Variants in CMKLR2 observed in about 807,000 individuals in gnomAD.
CMKLR2 encodes chemerin-like receptor 2.
In CMKLR2, 18 loss-of-function variants were observed where a neutral mutation model predicts 23.0. That is an observed-to-expected ratio of 0.78 (90% CI 0.54 to 1.16). The LOEUF (loss-of-function observed/expected upper bound fraction) is 1.16. CMKLR2 is among the 50% of genes most tolerant of loss of function. The probability of loss-of-function intolerance (pLI) is 0.00; values close to 1 mark genes in which losing one functional copy is unlikely to be tolerated. For missense variants in CMKLR2, 401 were observed against 412.7 expected, an observed-to-expected ratio of 0.97 and a Z score of 0.25; for synonymous variants, 158 against 158.9, an observed-to-expected ratio of 0.99 and a Z score of 0.05.
intron 1 of CMKLR2, among the ~76,000 whole-genome samples, chr2:206,179,054 CCTTTTTTTT>C (rs1559082870): frequency 8.1e-6 from 1 of 123,654 alleles, no homozygotes; most frequent in Non-Finnish European, 1.7e-5. Context: ...GCTCCCTGTC[CCTTTTTTTT>C]TTTTTTTTTT....
At chr2:206,178,709 C>G (rs1411598775) in intron 1 of CMKLR2, among the ~76,000 whole-genome samples, 1 of 152,094 alleles carries the variant, frequency 6.6e-6, no homozygotes. Context: ...GAATGCATGG[C>G]ACGATCTCGG....
intron 1 of CMKLR2, among the ~76,000 whole-genome samples, chr2:206,203,201 G>A (rs899913743): frequency 1.3e-5 from 2 of 151,088 alleles, no homozygotes; most frequent in South Asian, 4.2e-4. Flanking sequence ...GGTGGCGCAT[G>A]CCTGTAATCC....
rs114020014 is a variant in CMKLR2 at position 206,177,859 on chromosome 2, G to C, written c.-28-584C>G. On this transcript the variant is annotated intron_variant, in intron 1 of 1. Coordinates refer to ENST00000621141, the MANE Select transcript of CMKLR2 (RefSeq NM_001389445.1). ...CTCTACGGTTATAATTCTTCAGTTCGTAATGCTTGTAGGGCTGACTAGAGA... is the reference window on the plus strand; with the variant it reads ...CTCTACGGTTATAATTCTTCAGTTCCTAATGCTTGTAGGGCTGACTAGAGA... Among the ~76,000 whole-genome samples the C allele has an allele frequency of 8.7e-4, 132 of 152,052 alleles. 1 individual carries two copies. The highest frequency in any genetic ancestry group is 1.9e-4 in the Non-Finnish European group (13 of 68,006).
At chr2:206,202,175 C>T (rs1360774335) in intron 1 of CMKLR2, among the ~76,000 whole-genome samples, 2 of 152,134 alleles carry the variant, frequency 1.3e-5, no homozygotes, top group African/African-American at 4.8e-5. Context: ...GTACATTTCT[C>T]ATACTTGGAG....
upstream of CMKLR2, chr2:206,213,605 T>C (rs1689647557): frequency 6.6e-6 from 1 of 152,206 alleles, no homozygotes; most frequent in African/African-American, 2.4e-5. Flanking sequence ...GTTTTTTGAA[T>C]GGAAACCACT....
chr2:206,179,362 AC>A (rs1270226722), intron 1 of CMKLR2, among the ~76,000 whole-genome samples: 1 of 129,346 alleles, frequency 7.7e-6, no homozygotes, highest in East Asian at 2.3e-4. Flanking sequence ...GGCATGAGCC[AC>A]CGCACCCAGC....
In CMKLR2 at chr2:206,177,129, A is replaced by G. The variant is rs1321277765; in HGVS notation, c.119T>C (p.Val40Ala). Reference protein sequence around the residue: ...EKVQLGVVHWVSLVLYCLAFV... With the variant: ...EKVQLGVVHWASLVLYCLAFV... ...AGCCAAACAATATAACACCAGGGAG[A>G]CCCAGTGAACAACTCCCAGCTGGAC... is the stretch of plus-strand genomic sequence containing the variant. Residue 40 changes from valine to alanine, a missense_variant, in exon 2 of 2, where the codon GTC (valine) becomes GCC (alanine). Physicochemically the swap from Val to Ala is moderately conservative, Grantham distance 64. Coordinates refer to ENST00000621141, the MANE Select transcript of CMKLR2 (RefSeq NM_001389445.1). 1 of 1,614,002 alleles carries G rather than the reference A, an allele frequency of 6.2e-7. No individual in the cohort carries two copies. The highest frequency in any genetic ancestry group is 1.7e-5 in the Admixed American group (1 of 60,014).
intron 1 of CMKLR2, among the ~76,000 whole-genome samples, chr2:206,181,083 T>C (rs1688398110): frequency 6.8e-6 from 1 of 146,942 alleles, no homozygotes; most frequent in Non-Finnish European, 1.5e-5. Flanking sequence ...TGAGACCAAC[T>C]CTCTCACTCT....
Position 206,189,626 on chromosome 2 carries a change from C to T in CMKLR2, c.-28-12351G>A, listed in dbSNP as rs1688688320. On this transcript the variant is annotated intron_variant, in intron 1 of 1. Coordinates refer to ENST00000621141, the MANE Select transcript of CMKLR2 (RefSeq NM_001389445.1). The stretch of plus-strand genomic sequence containing the variant: ...CTCCAGCCTGGGCAATAGAGTGAGA[C>T]TTCATCTAAAAAGAAAAAAAAAAAA... Among the ~76,000 whole-genome samples the T allele has an allele frequency of 2.0e-5, 3 of 148,864 alleles. No homozygotes were observed. In the Admixed American group the frequency reaches 2.0e-4, roughly 10 times the overall value.
chr2:206,206,760 G>C lies in CMKLR2; in HGVS notation c.-29+6547C>G, dbSNP rs112833597. 5.3e-3 allele frequency among the ~76,000 whole-genome samples: 806 copies of C among 152,246 alleles called. 8 individuals are homozygous for C. Among genetic ancestry groups the C allele is most frequent in the African/African-American group, 0.019 (770 of 41,520 alleles). ...GTAGGGCTCAATAGTATTTATTGAAGGAAAGACTATTCAGTAGGTTTTGAT... is the reference window on the plus strand; with the variant it reads ...GTAGGGCTCAATAGTATTTATTGAACGAAAGACTATTCAGTAGGTTTTGAT... On this transcript the variant is annotated intron_variant, in intron 1 of 1. Coordinates refer to ENST00000621141, the MANE Select transcript of CMKLR2 (RefSeq NM_001389445.1).
At chr2:206,193,912 C>G (rs1229306939) in intron 1 of CMKLR2, among the ~76,000 whole-genome samples, 2 of 152,144 alleles carry the variant, frequency 1.3e-5, no homozygotes, top group Non-Finnish European at 2.9e-5. Context: ...TGTTTTGGTT[C>G]TCAATCACTC....
intron 1 of CMKLR2, among the ~76,000 whole-genome samples, chr2:206,209,314 G>C (rs1278018512): frequency 6.6e-6 from 1 of 151,778 alleles, no homozygotes; most frequent in Admixed American, 6.6e-5. Context: ...ACTTCAGCCT[G>C]GGTGACAGAG....
chr2:206,192,706 A>G (rs1276361056), intron 1 of CMKLR2, among the ~76,000 whole-genome samples: 7 of 152,120 alleles, frequency 4.6e-5, no homozygotes, highest in Non-Finnish European at 1.0e-4. Context: ...AAGAATCACA[A>G]TGTAACGATG....
chr2:206,203,716 A>G (rs1170571338), intron 1 of CMKLR2: 1 of 152,124 alleles, frequency 6.6e-6, no homozygotes, highest in Non-Finnish European at 1.5e-5. Flanking sequence ...GATCTGATCT[A>G]GCGAACTAAT....
At chr2:206,216,084 C>A (rs1408926740), upstream of CMKLR2, among the ~76,000 whole-genome samples, 1 of 152,166 alleles carries the variant, frequency 6.6e-6, no homozygotes, top group East Asian at 1.9e-4. Flanking sequence ...TTCTAAAAAA[C>A]CATTTGCAAA....
intron 1 of CMKLR2, among the ~76,000 whole-genome samples, chr2:206,206,281 G>T (rs948318254): frequency 1.3e-5 from 2 of 152,178 alleles, no homozygotes; most frequent in African/African-American, 4.8e-5. Flanking sequence ...TCATTCTAAA[G>T]GTGGATGGTT....
chr2:206,215,017 A>C (rs1689709262), upstream of CMKLR2, among the ~76,000 whole-genome samples: 1 of 152,150 alleles, frequency 6.6e-6, no homozygotes. Context: ...GCTGCCAGAG[A>C]AGCACAGGAT....
chr2:206,190,738 AAAG>A (rs1576047898), intron 1 of CMKLR2, among the ~76,000 whole-genome samples: 2 of 152,236 alleles, frequency 1.3e-5, no homozygotes, highest in African/African-American at 4.8e-5. Context: ...TTTCCTTTTC[AAAG>A]AATAATTGAA....
At chr2:206,215,903 G>T (rs1326558190), upstream of CMKLR2, among the ~76,000 whole-genome samples, 1 of 152,210 alleles carries the variant, frequency 6.6e-6, no homozygotes, top group African/African-American at 2.4e-5. Flanking sequence ...AAGTGGCAGA[G>T]TTGGGGTTTG....
Sources: gnomAD v4.1 joint callset for allele counts (sites outside exome capture counted in the v4.1 genomes callset) on GRCh38, gnomAD v4.1.1 for gene constraint, MANE v1.5 for transcripts, NCBI Gene and HGNC (gene_info 2026-07-23, HGNC 2026-07-21) for gene names.